SH3GL2: variants seen among roughly 807,000 people sequenced by gnomAD.
SH3GL2 encodes SH3 domain containing GRB2 like 2, endophilin A1, also known as endophilin-A1.
In SH3GL2, 24 loss-of-function variants were observed where a neutral mutation model predicts 46.0. That is an observed-to-expected ratio of 0.52 (90% CI 0.38 to 0.73). The LOEUF is 0.73. SH3GL2 is among the 30% of genes least tolerant of loss of function. The probability of loss-of-function intolerance (pLI) is 0.00; values close to 1 mark genes in which losing one functional copy is unlikely to be tolerated. For synonymous variants in SH3GL2, 196 were observed against 147.1 expected (o/e 1.33, Z -2.40); for missense variants, 413 against 424.2 (o/e 0.97, Z 0.23).
At chr9:17,640,978 C>T (rs1819667158) in intron 1 of SH3GL2, among the ~76,000 whole-genome samples, 2 of 152,162 alleles carry the variant, frequency 1.3e-5, no homozygotes, top group African/African-American at 2.4e-5. Flanking sequence ...TAAACTTAGG[C>T]ATAAATAATA....
rs1554645334 is a variant in SH3GL2 at position 17,738,641 on chromosome 9, T to TAGAGAGAGAGAGAG, written c.46-8405_46-8392dup. Among the ~76,000 whole-genome samples the TAGAGAGAGAGAGAG allele has an allele frequency of 3.1e-3, 275 of 88,874 alleles. 7 individuals are homozygous for TAGAGAGAGAGAGAG. The highest frequency in any genetic ancestry group is 5.4e-3 in the Non-Finnish European group (232 of 42,634). The allele number at this position is 88,874 out of a possible 152,430, so 58.3% of individuals were successfully genotyped here. A position where few individuals can be genotyped will look rare whatever the true frequency, so the allele number is the denominator to read the frequency against. ...TCATGTGATTTTATATATATATATATAGAGAGAGAGAGAGAGAGAGAGAGA... is the reference window on the plus strand; with the variant it reads ...TCATGTGATTTTATATATATATATATAGAGAGAGAGAGAGAGAGAGAGAGAGAGAGAGAGAGAGA... On this transcript the variant is annotated intron_variant, in intron 1 of 8. Coordinates refer to ENST00000380607, the MANE Select transcript of SH3GL2 (RefSeq NM_003026.5).
chr9:17,636,987 A>T (rs776514001), intron 1 of SH3GL2, among the ~76,000 whole-genome samples: 1 of 152,202 alleles, frequency 6.6e-6, no homozygotes, highest in Non-Finnish European at 1.5e-5. Context: ...TGCTTGTAGT[A>T]GGTTACTTGC....
At chr9:17,752,938 C>G (rs1324173074) in intron 2 of SH3GL2, among the ~76,000 whole-genome samples, 1 of 152,118 alleles carries the variant, frequency 6.6e-6, no homozygotes, top group Non-Finnish European at 1.5e-5. Context: ...TTTTGTCCCA[C>G]TTATAAGTGA....
intron 1 of SH3GL2, among the ~76,000 whole-genome samples, chr9:17,611,875 C>T (rs1280038722): frequency 6.6e-6 from 1 of 151,726 alleles, no homozygotes; most frequent in African/African-American, 2.4e-5. Flanking sequence ...TTATGGGAAT[C>T]GTAATGACAA....
At chr9:17,722,625 A>G (rs1231031585) in intron 1 of SH3GL2, among the ~76,000 whole-genome samples, 2 of 152,048 alleles carry the variant, frequency 1.3e-5, no homozygotes, top group Non-Finnish European at 2.9e-5. Context: ...TGCTGCACCT[A>G]TTAAAATCAT....
chr9:17,774,155 C>G (rs147782131), intron 3 of SH3GL2, among the ~76,000 whole-genome samples: 1 of 152,206 alleles, frequency 6.6e-6, no homozygotes, highest in East Asian at 1.9e-4. Context: ...TTGTGTCCTG[C>G]TACTTTGTTG....
At chr9:17,609,696 T>A (rs1237622613) in intron 1 of SH3GL2, among the ~76,000 whole-genome samples, 1 of 152,204 alleles carries the variant, frequency 6.6e-6, no homozygotes, top group African/African-American at 2.4e-5. Flanking sequence ...TTTGGGGAAT[T>A]TATTGAGAAT....
chr9:17,644,070 A>G (rs138103783), intron 1 of SH3GL2, among the ~76,000 whole-genome samples: 15 of 152,100 alleles, frequency 9.9e-5, no homozygotes, highest in Non-Finnish European at 1.9e-4. Context: ...GGGAGGGTGT[A>G]TGTGTCCAGG....
intron 5 of SH3GL2, 146 bp from the exon 6 acceptor site, chr9:17,789,246 A>C (rs1361397587): frequency 1.6e-6 from 1 of 619,818 alleles, no homozygotes; most frequent in African/African-American, 1.8e-5. Context: ...CCATTGATGC[A>C]TGTTTCTTTA....
intron 1 of SH3GL2, among the ~76,000 whole-genome samples, chr9:17,598,773 T>A (rs1040582728): frequency 6.6e-6 from 1 of 152,214 alleles, no homozygotes; most frequent in Non-Finnish European, 1.5e-5. Context: ...AAGGGAGGGA[T>A]CAAGTTTCTG....
intron 1 of SH3GL2, among the ~76,000 whole-genome samples, chr9:17,661,323 G>A (rs1460104960): frequency 6.6e-6 from 1 of 152,190 alleles, no homozygotes; most frequent in Non-Finnish European, 1.5e-5. Flanking sequence ...GAAGCTGGGT[G>A]TGACAGTCAT....
chr9:17,761,552 C>T (rs1156623500), intron 3 of SH3GL2, 43 bp downstream of exon 3: 1 of 1,143,382 alleles, frequency 8.7e-7, no homozygotes, highest in Non-Finnish European at 1.3e-6. Context: ...CTCGAGGTAA[C>T]TTTTAGTTTC....
intron 3 of SH3GL2, among the ~76,000 whole-genome samples, chr9:17,773,126 A>G (rs769886122): frequency 1.3e-5 from 2 of 152,032 alleles, no homozygotes; most frequent in Non-Finnish European, 2.9e-5. Context: ...AGCCATTTGT[A>G]TGTCTTCTTT....
At chr9:17,692,443 C>T (rs868449026) in intron 1 of SH3GL2, among the ~76,000 whole-genome samples, 9 of 151,816 alleles carry the variant, frequency 5.9e-5, no homozygotes, top group South Asian at 2.1e-4. Context: ...GTCAAGAGTT[C>T]GAGACCAGCC....
intron 1 of SH3GL2, among the ~76,000 whole-genome samples, chr9:17,585,834 G>A (rs1588156422): frequency 6.6e-6 from 1 of 152,132 alleles, no homozygotes; most frequent in East Asian, 1.9e-4. Flanking sequence ...TAGCGTATGT[G>A]GGAATGAATG....
intron 1 of SH3GL2, chr9:17,591,077 A>G (rs754978812): frequency 6.6e-6 from 1 of 152,152 alleles, no homozygotes; most frequent in Non-Finnish European, 1.5e-5. Context: ...TTCACTTTTT[A>G]CAAGCTCTTT....
At chr9:17,735,439 G>T (rs761664964) in intron 1 of SH3GL2, among the ~76,000 whole-genome samples, 7 of 152,148 alleles carry the variant, frequency 4.6e-5, no homozygotes, top group Non-Finnish European at 7.4e-5. Flanking sequence ...TTGTATTTAT[G>T]TAAGAGTATG....
intron 1 of SH3GL2, among the ~76,000 whole-genome samples, chr9:17,638,314 C>T (rs1819594154): frequency 6.6e-6 from 1 of 152,038 alleles, no homozygotes; most frequent in Non-Finnish European, 1.5e-5. Context: ...ATCTATTATC[C>T]AGATATTTAT....
chr9:17,714,510 A>G (rs2118296328), intron 1 of SH3GL2, among the ~76,000 whole-genome samples: 1 of 151,218 alleles, frequency 6.6e-6, no homozygotes, highest in East Asian at 1.9e-4. Flanking sequence ...TTGATCTTAT[A>G]TTGTTCATAG....
Sources: gnomAD v4.1 joint callset for allele counts (sites outside exome capture counted in the v4.1 genomes callset) on GRCh38, gnomAD v4.1.1 for gene constraint, MANE v1.5 for transcripts, NCBI Gene and HGNC (gene_info 2026-07-23, HGNC 2026-07-21) for gene names.